Variants in LARGE1 observed in about 807,000 individuals in gnomAD.
LARGE1 encodes LARGE xylosyl- and glucuronyltransferase 1.
Under a neutral mutation model 87.6 loss-of-function variants are expected in LARGE1, and 43 were observed. The observed-to-expected ratio is 0.49, with a 90% CI of 0.38 to 0.63. LARGE1 has a LOEUF of 0.63. LARGE1 is among the 30% of genes least tolerant of loss of function. LARGE1 has a pLI of 0.00. For missense variants in LARGE1, 802 were observed against 1,000.2 expected (o/e 0.80, Z 2.67); for synonymous variants, 434 against 394.6 (o/e 1.10, Z -1.18).
In LARGE1 at chr22:33,779,505, C is replaced by T. The variant is rs557047173; in HGVS notation, c.-82-17947G>A. ...GATCATTTTAAAACAAAAGGCCAGGCGTGGTAGCTCATGCCTGTAATCTCA... is the reference window on the plus strand; with the variant it reads ...GATCATTTTAAAACAAAAGGCCAGGTGTGGTAGCTCATGCCTGTAATCTCA... On this transcript the variant is annotated intron_variant, in intron 1 of 14. Coordinates refer to ENST00000397394, the MANE Select transcript of LARGE1 (RefSeq NM_133642.5). Among the ~76,000 whole-genome samples the T allele has an allele frequency of 9.2e-5, 14 of 152,200 alleles. No individual in the cohort carries two copies. In the South Asian group the frequency reaches 1.9e-3, roughly 20 times the overall value.
chr22:33,410,734 T>C (rs1185588316), intron 7 of LARGE1, among the ~76,000 whole-genome samples: 3 of 152,086 alleles, frequency 2.0e-5, no homozygotes, highest in African/African-American at 7.2e-5. Context: ...TCTCAAGCAC[T>C]GAAGGCCCAG....
the LARGE1 span, among the ~76,000 whole-genome samples, chr22:33,071,308 AGT>A: frequency 6.6e-6 from 1 of 152,188 alleles, no homozygotes; most frequent in African/African-American, 2.4e-5. Flanking sequence ...TAAGAAATAC[AGT>A]GTCTGGATTT....
chr22:33,816,261 G>A (rs2086643263), intron 1 of LARGE1, among the ~76,000 whole-genome samples: 1 of 152,128 alleles, frequency 6.6e-6, no homozygotes, highest in South Asian at 2.1e-4. Flanking sequence ...TTCCAGGTAG[G>A]TAGGCAGACT....
chr22:33,617,464 G>T (rs1304777019), intron 4 of LARGE1, among the ~76,000 whole-genome samples: 4 of 152,170 alleles, frequency 2.6e-5, no homozygotes, highest in Admixed American at 2.6e-4. Context: ...TTCGCCAACT[G>T]CAGATAATAA....
chr22:33,787,139 C>A (rs948128041), intron 1 of LARGE1, among the ~76,000 whole-genome samples: 1 of 152,092 alleles, frequency 6.6e-6, no homozygotes, highest in African/African-American at 2.4e-5. Context: ...GCTATACTTC[C>A]ACGTAACAGC....
chr22:33,518,604 C>T (rs950751101), intron 6 of LARGE1, among the ~76,000 whole-genome samples: 44 of 152,140 alleles, frequency 2.9e-4, no homozygotes, highest in African/African-American at 8.9e-4. Flanking sequence ...CCACCGCGCC[C>T]GGCCTCAGGC....
At chr22:33,070,511 C>A in the LARGE1 span, among the ~76,000 whole-genome samples, 1 of 151,954 alleles carries the variant, frequency 6.6e-6, no homozygotes, top group Non-Finnish European at 1.5e-5. Context: ...AACAGCACAG[C>A]CCCCATAACA....
chr22:33,067,954 C>T, the LARGE1 span, among the ~76,000 whole-genome samples: 12 of 151,118 alleles, frequency 7.9e-5, no homozygotes, highest in East Asian at 1.9e-4. Context: ...CACTCCAGCC[C>T]GGGCGACAAT....
chr22:33,571,258 C>G (rs1465127812), intron 5 of LARGE1, among the ~76,000 whole-genome samples: 2 of 152,140 alleles, frequency 1.3e-5, no homozygotes, highest in Non-Finnish European at 2.9e-5. Context: ...TGGGGATGCT[C>G]TCAAAGGGAA....
At chr22:33,567,709 T>C (rs2078069738) in intron 5 of LARGE1, among the ~76,000 whole-genome samples, 1 of 152,190 alleles carries the variant, frequency 6.6e-6, no homozygotes, top group African/African-American at 2.4e-5. Flanking sequence ...ACCTGTCACC[T>C]GAATGTTGAA....
At chr22:33,921,013 T>A (rs142702048), upstream of LARGE1, among the ~76,000 whole-genome samples, 1 of 149,770 alleles carries the variant, frequency 6.7e-6, no homozygotes, top group Non-Finnish European at 1.5e-5. This position sits in a 1 kb window ranked among gnomAD's most constrained non-coding sequence, Gnocchi z 4.1. Flanking sequence ...AGTGACTGTG[T>A]GTCTGTGTCA....
At chr22:33,115,292 G>A in the LARGE1 span, among the ~76,000 whole-genome samples, 6 of 152,160 alleles carry the variant, frequency 3.9e-5, no homozygotes, top group Non-Finnish European at 7.4e-5. Flanking sequence ...CAATCTCCAA[G>A]GCCAGGCCGG....
chr22:33,091,024 G>C, the LARGE1 span, among the ~76,000 whole-genome samples: 16 of 152,130 alleles, frequency 1.1e-4, no homozygotes, highest in African/African-American at 3.9e-4. Flanking sequence ...AACCCTTGGA[G>C]GCCTTTCAGG....
At chr22:33,177,681 G>T (rs1922945372) in intron 11 of LARGE1, among the ~76,000 whole-genome samples, 1 of 152,202 alleles carries the variant, frequency 6.6e-6, no homozygotes, top group Non-Finnish European at 1.5e-5. Context: ...ATGACTAGAG[G>T]TTGCTTGGAA....
intron 5 of LARGE1, among the ~76,000 whole-genome samples, chr22:33,588,068 G>A (rs955654045): frequency 3.3e-5 from 5 of 152,174 alleles, no homozygotes; most frequent in South Asian, 2.1e-4. Context: ...GGAATCCTCC[G>A]TGCTGAATGA....
chr22:33,656,684 C>T (rs376074731), intron 2 of LARGE1, among the ~76,000 whole-genome samples: 4 of 152,084 alleles, frequency 2.6e-5, no homozygotes, highest in South Asian at 2.1e-4. Flanking sequence ...CATGATGTAT[C>T]GTTCTATCAT....
chr22:33,276,205 C>CAAAAG (rs979205241), intron 14 of LARGE1, among the ~76,000 whole-genome samples: 24 of 132,086 alleles, frequency 1.8e-4, no homozygotes, highest in Admixed American at 9.6e-4. Context: ...GAAGAGCATA[C>CAAAAG]AAAAGAAAAG....
At chr22:33,433,101 T>C (rs9619347) in intron 6 of LARGE1, among the ~76,000 whole-genome samples, 28,185 of 151,984 alleles carry the variant, frequency 0.19, 2,848 homozygotes, top group Admixed American at 0.31. Context: ...AGGCCTTCTC[T>C]TGCAATTATT....
At chr22:33,360,998 C>T (rs1374498441) in intron 9 of LARGE1, among the ~76,000 whole-genome samples, 1 of 149,124 alleles carries the variant, frequency 6.7e-6, no homozygotes, top group Non-Finnish European at 1.5e-5. Flanking sequence ...GGGTGGATCA[C>T]GAGGTCGGGA....
Sources: gnomAD v4.1 joint callset for allele counts (sites outside exome capture counted in the v4.1 genomes callset) on GRCh38, gnomAD v4.1.1 for gene constraint, Gnocchi (gnomAD v3.1) non-coding constraint, MANE v1.5 for transcripts, NCBI Gene and HGNC (gene_info 2026-07-23, HGNC 2026-07-21) for gene names.